MYO1D: variants seen among roughly 807,000 people sequenced by gnomAD.
The protein encoded by MYO1D is myosin ID.
MYO1D carries 83 observed loss-of-function variants against 122.0 expected under a neutral mutation model. The ratio of observed to expected loss-of-function variants is 0.68; its 90% CI spans 0.57 to 0.82. The LOEUF is 0.82. Ranked by LOEUF, MYO1D falls within the 40% of genes least tolerant of loss-of-function variation. The pLI, the probability that MYO1D is intolerant of heterozygous loss-of-function variation, is 0.00. For missense variants in MYO1D, 1,157 were observed against 1,269.5 expected, an observed-to-expected ratio of 0.91 and a Z score of 1.35; for synonymous variants, 464 against 446.9, an observed-to-expected ratio of 1.04 and a Z score of -0.48.
chr17:32,556,408 G>C (rs2087069018), intron 21 of MYO1D, among the ~76,000 whole-genome samples: 1 of 152,190 alleles, frequency 6.6e-6, no homozygotes, highest in Non-Finnish European at 1.5e-5. Flanking sequence ...TGGGGCTCCT[G>C]AGGGCTCGAA....
intron 21 of MYO1D, among the ~76,000 whole-genome samples, chr17:32,511,605 C>CTTTTTTTTTTT (rs5819985): frequency 1.4e-5 from 2 of 143,584 alleles, no homozygotes; most frequent in African/African-American, 5.1e-5. Context: ...CTGTATTGAA[C>CTTTTTTTTTTT]TTTTTTTTTT....
At chr17:32,626,689 A>G (rs1401720290) in intron 20 of MYO1D, among the ~76,000 whole-genome samples, 5 of 152,202 alleles carry the variant, frequency 3.3e-5, no homozygotes, top group Admixed American at 2.0e-4. Flanking sequence ...CGTTTGGCAT[A>G]AGCAGCTGTC....
At chr17:32,672,101 G>A (rs1347353194) in intron 16 of MYO1D, among the ~76,000 whole-genome samples, 1 of 152,224 alleles carries the variant, frequency 6.6e-6, no homozygotes, top group Non-Finnish European at 1.5e-5. Context: ...TGCCAGTCAT[G>A]TGCTGGGCTC....
chr17:32,523,050 T>C (rs1035214023), intron 21 of MYO1D, among the ~76,000 whole-genome samples: 3 of 152,044 alleles, frequency 2.0e-5, no homozygotes, highest in Non-Finnish European at 2.9e-5. Context: ...CTCCTGACCT[T>C]GTGATCTGCC....
At chr17:32,769,287 A>G (rs1026320549) in intron 6 of MYO1D, among the ~76,000 whole-genome samples, 1 of 152,218 alleles carries the variant, frequency 6.6e-6, no homozygotes, top group African/African-American at 2.4e-5. Context: ...AAACCAGCCT[A>G]AGAGGACAGA....
At position 32,659,037 on chromosome 17, in the gene MYO1D, C is replaced by T. The variant is rs79236899; in HGVS notation, c.2345+78G>A. The T allele has an allele frequency of 2.9e-4, 372 of 1,289,392 alleles. No homozygotes were observed. In the African/African-American group the frequency reaches 4.8e-3, roughly 17 times the overall value. 79.9% of individuals were successfully genotyped at this position (1,289,392 alleles called of 1,614,324 possible). A position where few individuals can be genotyped will look rare whatever the true frequency, so the allele number is the denominator to read the frequency against. On this transcript the variant is annotated intron_variant, in intron 17 of 21. Transcript: ENST00000318217. ...ACAGCAAATAGCTGAGTCAATATCA[C>T]GGTCTCAGACTTGTGACTTTGCATA...
intron 21 of MYO1D, among the ~76,000 whole-genome samples, chr17:32,506,913 T>C (rs1909520434): frequency 6.6e-6 from 1 of 152,200 alleles, no homozygotes; most frequent in Non-Finnish European, 1.5e-5. Flanking sequence ...CCCAGGAGTT[T>C]GAGGCTGTAA....
intron 21 of MYO1D, among the ~76,000 whole-genome samples, chr17:32,584,265 T>C (rs552699238): frequency 6.6e-6 from 1 of 152,348 alleles, no homozygotes; most frequent in South Asian, 2.1e-4. Context: ...TTATACATGA[T>C]ACATTTGTTT....
At chr17:32,609,180 G>C (rs4794930) in intron 20 of MYO1D, among the ~76,000 whole-genome samples, 46,727 of 152,186 alleles carry the variant, frequency 0.31, 7,386 homozygotes, top group South Asian at 0.37. Flanking sequence ...CACCCTGGCT[G>C]TTTTGATCTC....
intron 21 of MYO1D, chr17:32,497,917 G>T (rs1041221629): frequency 3.9e-4 from 59 of 152,474 alleles, no homozygotes; most frequent in African/African-American, 1.3e-3. Flanking sequence ...CAGCTGCTCA[G>T]TCCCCTCCCT....
At chr17:32,560,681 A>G (rs112840083) in intron 21 of MYO1D, among the ~76,000 whole-genome samples, 14,591 of 149,244 alleles carry the variant, frequency 0.098, 1,142 homozygotes, top group African/African-American at 0.21. Context: ...GGGCAGTTGC[A>G]AAATCTCAAC....
intron 1 of MYO1D, among the ~76,000 whole-genome samples, chr17:32,875,247 G>C (rs763007713): frequency 1.3e-5 from 2 of 152,212 alleles, no homozygotes; most frequent in Non-Finnish European, 2.9e-5. Flanking sequence ...CTGTGGGGGA[G>C]AGGAGTAGAA....
At chr17:32,532,933 C>T (rs1249530715) in intron 21 of MYO1D, among the ~76,000 whole-genome samples, 1 of 152,074 alleles carries the variant, frequency 6.6e-6, no homozygotes, top group Non-Finnish European at 1.5e-5. Context: ...ATCTTACTTC[C>T]CTGGGTTTTT....
chr17:32,613,589 C>T (rs1156750320), intron 20 of MYO1D, among the ~76,000 whole-genome samples: 2 of 151,952 alleles, frequency 1.3e-5, no homozygotes, highest in African/African-American at 4.8e-5. Flanking sequence ...TCCTAGCCAA[C>T]ATGGTGAAAC....
intron 19 of MYO1D, among the ~76,000 whole-genome samples, chr17:32,645,713 C>T (rs927631610): frequency 9.9e-5 from 15 of 152,146 alleles, no homozygotes; most frequent in Non-Finnish European, 1.9e-4. Flanking sequence ...GAAGCTTGTG[C>T]ATTCGTCATG....
Position 32,767,730 on chromosome 17 carries a change from T to G in MYO1D, c.737A>C (p.Glu246Ala). The G allele has an allele frequency of 6.2e-7, 1 of 1,613,448 alleles. No homozygotes were observed. The highest frequency in any genetic ancestry group is 8.5e-7 in the Non-Finnish European group (1 of 1,179,556). ...CATGGCATCAGCAACAACTCTGAAT[T>G]CGGCAGCATCATTGATAGAAGACTG... ...QLKSSINDAA[E>A]FRVVADAMKV... Residue 246 changes from glutamate (E) to alanine (A), a missense_variant, in exon 7 of 22, where the codon GAA becomes GCA. Glu to Ala is a moderately radical substitution (Grantham distance 107, BLOSUM62 -1). Transcript: ENST00000318217.
At chr17:32,794,864 G>A (rs2090396538) in intron 1 of MYO1D, among the ~76,000 whole-genome samples, 1 of 152,146 alleles carries the variant, frequency 6.6e-6, no homozygotes, top group African/African-American at 2.4e-5. Context: ...TTTGGCTGCA[G>A]GGTGTAAGGA....
At chr17:32,772,750 T>C (rs780200951) in intron 5 of MYO1D, 39 bp downstream of exon 5, 1 of 1,499,160 alleles carries the variant, frequency 6.7e-7, no homozygotes, top group South Asian at 1.1e-5. Flanking sequence ...CCTGCACAAC[T>C]GGGCAAATGA....
intron 16 of MYO1D, among the ~76,000 whole-genome samples, chr17:32,665,721 A>G (rs2088627109): frequency 1.3e-5 from 2 of 152,158 alleles, no homozygotes; most frequent in Admixed American, 6.5e-5. Flanking sequence ...CCTCAAATGT[A>G]TAGGGATCGT....
Sources: allele counts gnomAD v4.1 joint callset (sites outside exome capture counted in the v4.1 genomes callset), GRCh38; gene constraint gnomAD v4.1.1; transcripts MANE v1.5; gene names NCBI Gene and HGNC (gene_info 2026-07-23, HGNC 2026-07-21).